Variants in DNAH11 observed in about 807,000 individuals in gnomAD.
The protein encoded by DNAH11 is axonemal beta dynein heavy chain 11.
Under a neutral mutation model 526.0 loss-of-function variants are expected in DNAH11, and 442 were observed. The observed-to-expected ratio is 0.84, with a 90% CI of 0.78 to 0.91. The LOEUF (loss-of-function observed/expected upper bound fraction) is 0.91, where lower values mean the gene tolerates loss of function less well. Ranked by LOEUF, DNAH11 falls within the 40% of genes least tolerant of loss-of-function variation. The pLI, the probability that DNAH11 is intolerant of heterozygous loss-of-function variation, is 0.00. For missense variants in DNAH11, 6,989 were observed against 5,448.7 expected, an observed-to-expected ratio of 1.28 and a Z score of -8.90; for synonymous variants, 2,461 against 1,935.9, an observed-to-expected ratio of 1.27 and a Z score of -7.12.
At chr7:21,576,138 T>A (rs974898965) in intron 8 of DNAH11, among the ~76,000 whole-genome samples, 22 of 152,090 alleles carry the variant, frequency 1.4e-4, no homozygotes, top group African/African-American at 5.1e-4. Context: ...CTGCCAGCGA[T>A]GGAGATTGAC....
Position 21,866,601 on chromosome 7 carries a change from T to G in DNAH11, c.11628T>G (p.Ser3876Arg). 1 of 1,613,838 alleles carries G rather than the reference T, an allele frequency of 6.2e-7. No individual in the cohort carries two copies. The highest frequency in any genetic ancestry group is 1.1e-5 in the South Asian group (1 of 91,064). ...TACCTCAAGAATGGAAGAAGAAAAG[T>G]TTAATACAGAAGCTGATTCTTCTGA... ...EKLPQEWKKK[S>R]LIQKLILLRA... Residue 3876 changes from serine (S) to arginine (R), a missense_variant, in exon 71 of 82, where the codon AGT becomes AGG. Transcript: ENST00000409508.
chr7:21,882,669 C>A (rs117006376), intron 75 of DNAH11, among the ~76,000 whole-genome samples: 1 of 152,066 alleles, frequency 6.6e-6, no homozygotes, highest in African/African-American at 2.4e-5. Context: ...TGGTGATGCA[C>A]GCCTGTAGTT....
intron 70 of DNAH11, 138 bp from the exon 71 acceptor site, chr7:21,866,332 A>AAG: frequency 1.4e-6 from 1 of 708,934 alleles, no homozygotes; most frequent in East Asian, 3.1e-5. Flanking sequence ...AAAAAAAAAA[A>AAG]AAAGGAAATC....
At chr7:21,678,284 A>G (rs1052829732) in intron 30 of DNAH11, among the ~76,000 whole-genome samples, 3 of 150,850 alleles carry the variant, frequency 2.0e-5, no homozygotes, top group African/African-American at 4.9e-5. Flanking sequence ...GTTCTTTTGC[A>G]TGTGATGTCC....
chr7:21,599,624 A>G (rs1784994403), intron 14 of DNAH11, among the ~76,000 whole-genome samples, 163 bp from the exon 15 acceptor site: 1 of 152,216 alleles, frequency 6.6e-6, no homozygotes, highest in Non-Finnish European at 1.5e-5. Flanking sequence ...TCCTGCTTAG[A>G]TCTTTGACAT....
At chr7:21,884,798 G>C (rs951255924) in intron 76 of DNAH11, among the ~76,000 whole-genome samples, 1 of 152,158 alleles carries the variant, frequency 6.6e-6, no homozygotes, top group Non-Finnish European at 1.5e-5. Flanking sequence ...CAAGAGTTTT[G>C]TGCGTCTTTT....
At chr7:21,700,717 C>T (rs1445427098) in intron 36 of DNAH11, among the ~76,000 whole-genome samples, 1 of 152,150 alleles carries the variant, frequency 6.6e-6, no homozygotes, top group Admixed American at 6.5e-5. Context: ...CCCAAATGGC[C>T]ATCAATGATA....
At chr7:21,582,988 TATC>T (rs1270498957) in intron 9 of DNAH11, among the ~76,000 whole-genome samples, 9 of 152,166 alleles carry the variant, frequency 5.9e-5, no homozygotes, top group Admixed American at 4.6e-4. Flanking sequence ...GAAGAATCAT[TATC>T]ATGAAAATGG....
intron 6 of DNAH11, among the ~76,000 whole-genome samples, chr7:21,566,421 C>T (rs1001604300): frequency 6.6e-6 from 1 of 152,152 alleles, no homozygotes; most frequent in Non-Finnish European, 1.5e-5. Flanking sequence ...ATGTCCATAG[C>T]TGGTTCCCTG....
chr7:21,665,320 C>T (rs1035511715), intron 30 of DNAH11, among the ~76,000 whole-genome samples: 1 of 152,112 alleles, frequency 6.6e-6, no homozygotes, highest in African/African-American at 2.4e-5. Context: ...GTTGGTAATA[C>T]TGGCTAGTTG....
intron 66 of DNAH11, among the ~76,000 whole-genome samples, chr7:21,847,562 T>C (rs924299917): frequency 1.3e-5 from 2 of 152,218 alleles, no homozygotes; most frequent in African/African-American, 4.8e-5. Context: ...TGATTTCTAT[T>C]CTTTTAAACC....
intron 31 of DNAH11, among the ~76,000 whole-genome samples, 168 bp from the exon 32 acceptor site, chr7:21,683,616 T>A (rs1783236290): frequency 6.6e-6 from 1 of 152,210 alleles, no homozygotes; most frequent in Non-Finnish European, 1.5e-5. Flanking sequence ...CGCATATTTC[T>A]TATTAAGTAT....
In DNAH11 at chr7:21,854,467, T is replaced by A; in HGVS notation, c.11202+12T>A. The A allele has an allele frequency of 6.2e-7, 1 of 1,610,442 alleles. No homozygotes were observed. The highest frequency in any genetic ancestry group is 8.5e-7 in the Non-Finnish European group (1 of 1,178,394). Reference sequence around the variant, plus strand: ...AATTCTCTTTGAAGGTAATGCTGAATGAGCTAAGAAATATGGGAAACTTTA... The same window carrying A: ...AATTCTCTTTGAAGGTAATGCTGAAAGAGCTAAGAAATATGGGAAACTTTA... On this transcript the variant is annotated intron_variant, in intron 68 of 81. Transcript: ENST00000409508.
At chr7:21,823,519 G>T (rs10269472) in intron 65 of DNAH11, among the ~76,000 whole-genome samples, 54,614 of 151,796 alleles carry the variant, frequency 0.36, 10,597 homozygotes, top group East Asian at 0.63. Flanking sequence ...ATTTTAATTT[G>T]CCTTATTTAA....
chr7:21,615,446 T>A (rs1785727449), intron 21 of DNAH11, among the ~76,000 whole-genome samples, 174 bp downstream of exon 21: 2 of 152,146 alleles, frequency 1.3e-5, no homozygotes, highest in South Asian at 4.1e-4. Flanking sequence ...GGATGATTCT[T>A]CTTTGAATAC....
chr7:21,638,924 T>C lies in DNAH11; in HGVS notation c.4818-15T>C. On this transcript the variant is annotated splice_polypyrimidine_tract_variant and intron_variant, in intron 27 of 81. Transcript: ENST00000409508. ...AGGGACAAGATATGCTTAAAAACATTTTTCATTCATGTAGGCTTTCTCTTT... is the reference window on the plus strand; with the variant it reads ...AGGGACAAGATATGCTTAAAAACATCTTTCATTCATGTAGGCTTTCTCTTT... 1 of 1,594,660 alleles carries C rather than the reference T, an allele frequency of 6.3e-7. No individual in the cohort carries two copies. Among genetic ancestry groups the C allele is most frequent in the East Asian group, 2.2e-5 (1 of 44,646 alleles).
chr7:21,895,775 G>A (rs1784490227), intron 79 of DNAH11, among the ~76,000 whole-genome samples: 1 of 152,138 alleles, frequency 6.6e-6, no homozygotes, highest in African/African-American at 2.4e-5. Context: ...TCTCGCCCAG[G>A]CTGGAGTGCA....
At chr7:21,707,887 C>T (rs199506450) in intron 40 of DNAH11, 52 bp downstream of exon 40, 21 of 1,510,754 alleles carry the variant, frequency 1.4e-5, no homozygotes, top group Admixed American at 4.5e-5. Flanking sequence ...TCCAGAAAGC[C>T]GTTTTTCAGT....
intron 61 of DNAH11, among the ~76,000 whole-genome samples, chr7:21,790,728 A>C (rs1788444628): frequency 6.6e-6 from 1 of 152,172 alleles, no homozygotes; most frequent in African/African-American, 2.4e-5. Context: ...AAAAGAGGGA[A>C]GGAGCAGTTG....
Sources: gnomAD v4.1 joint callset for allele counts (sites outside exome capture counted in the v4.1 genomes callset) on GRCh38, gnomAD v4.1.1 for gene constraint, MANE v1.5 for transcripts, NCBI Gene and HGNC (gene_info 2026-07-23, HGNC 2026-07-21) for gene names.